Variants in PCSK7 observed in about 807,000 individuals in gnomAD.
PCSK7 encodes the protein lymphoma proprotein convertase.
In PCSK7, 38 loss-of-function variants were observed where a neutral mutation model predicts 73.3. The observed-to-expected ratio is 0.52, with a 90% CI of 0.40 to 0.68. The LOEUF (loss-of-function observed/expected upper bound fraction) is 0.68. Ranked by LOEUF, PCSK7 falls within the 30% of genes least tolerant of loss-of-function variation. The pLI is 0.00. For missense variants in PCSK7, 692 were observed against 991.5 expected, an observed-to-expected ratio of 0.70 and a Z score of 4.06; for synonymous variants, 296 against 383.8, an observed-to-expected ratio of 0.77 and a Z score of 2.68.
chr11:117,229,341 C>G, intron 3 of PCSK7, 36 bp downstream of exon 3: 1 of 1,508,326 alleles, frequency 6.6e-7, no homozygotes, highest in Non-Finnish European at 9.1e-7. Flanking sequence ...CTGGAACCTA[C>G]CCACCTGAAA....
chr11:117,228,951 T>G (rs1033512540), intron 3 of PCSK7, among the ~76,000 whole-genome samples: 5 of 152,168 alleles, frequency 3.3e-5, no homozygotes, highest in Non-Finnish European at 7.3e-5. Context: ...AATGGTAGTA[T>G]CGTATCACTT....
chr11:117,231,489 C>A (rs1055093796), intron 1 of PCSK7, among the ~76,000 whole-genome samples: 14 of 152,170 alleles, frequency 9.2e-5, no homozygotes, highest in Admixed American at 2.6e-4. Flanking sequence ...ACAGTGGCCC[C>A]GCTAGGCAGA....
At position 117,205,631 on chromosome 11, in the gene PCSK7, T is replaced by A. The variant is rs988597451; in HGVS notation, c.*366A>T. 7.9e-6 allele frequency: 2 copies of A among 254,126 alleles called. No individual in the cohort carries two copies. The highest frequency in any genetic ancestry group is 2.2e-5 in the African/African-American group (1 of 46,128). The allele number at this position is 254,126 out of a possible 1,614,324, so 15.7% of individuals were successfully genotyped here. A position where few individuals can be genotyped will look rare whatever the true frequency, so the allele number is the denominator to read the frequency against. On this transcript the variant is annotated 3_prime_UTR_variant, in exon 17 of 17. Transcript: ENST00000320934. ...CAGTGATGTTTCCATTGAGATGCGC[T>A]CCTGGCTATGGCAGGCACCTTCTCA... is the stretch of plus-strand genomic sequence containing the variant.
Position 117,218,742 on chromosome 11 carries a change from C to T in PCSK7, c.1432-174G>A, listed in dbSNP as rs1353353917. ...CTCCTGCTTGCTCGCTGGAATGCTCCGTACAGCCCCCAGCTAAGGAACCAG... is the reference window on the plus strand; with the variant it reads ...CTCCTGCTTGCTCGCTGGAATGCTCTGTACAGCCCCCAGCTAAGGAACCAG... On this transcript the variant is annotated intron_variant, in intron 11 of 16. Transcript: ENST00000320934. This position sits in a 1 kb window ranked among gnomAD's most constrained non-coding sequence, Gnocchi z 4.0. 20 of 571,814 alleles carry T rather than the reference C, an allele frequency of 3.5e-5. No homozygotes were observed. The highest frequency in any genetic ancestry group is 3.2e-4 in the Admixed American group (10 of 31,576). The allele number at this position is 571,814 out of a possible 1,614,324, so 35.4% of individuals were successfully genotyped here. A position where few individuals can be genotyped will look rare whatever the true frequency, so the allele number is the denominator to read the frequency against.
intron 12 of PCSK7, chr11:117,209,446 A>C (rs1468560640): frequency 4.9e-6 from 1 of 202,408 alleles, no homozygotes; most frequent in Non-Finnish European, 9.8e-6. Context: ...TGGGAAATAT[A>C]CATAATTGAT....
At position 117,218,146 on chromosome 11, in the gene PCSK7, G is replaced by A. The variant is rs2032059188; in HGVS notation, c.1534+320C>T. 1 of 186,750 alleles carries A rather than the reference G, an allele frequency of 5.4e-6. No individual in the cohort carries two copies. Among genetic ancestry groups the A allele is most frequent in the Non-Finnish European group, 1.1e-5 (1 of 90,944 alleles). 11.6% of individuals were successfully genotyped at this position (186,750 alleles called of 1,614,324 possible). A position where few individuals can be genotyped will look rare whatever the true frequency, so the allele number is the denominator to read the frequency against. ...AGATCTTAGCATGGAAGTCACAGGAGCTTCTCTGAGCTCTCACCCCGGTCT... is the reference window on the plus strand; with the variant it reads ...AGATCTTAGCATGGAAGTCACAGGAACTTCTCTGAGCTCTCACCCCGGTCT... On this transcript the variant is annotated intron_variant, in intron 12 of 16. Transcript: ENST00000320934. The surrounding 1 kb of genome is among the most constrained non-coding windows in gnomAD (Gnocchi z 4.0).
chr11:117,217,261 A>C (rs1481434145), intron 12 of PCSK7: 1 of 148,772 alleles, frequency 6.7e-6, no homozygotes, highest in Non-Finnish European at 1.5e-5. Flanking sequence ...AGACCATATT[A>C]CTCTTTTAAG....
rs778539275 is a variant in PCSK7, at chr11:117,219,026, A to G, written c.1431+31T>C. The G allele has an allele frequency of 2.0e-6, 3 of 1,504,008 alleles. No homozygotes were observed. In the South Asian group the frequency reaches 3.4e-5, roughly 17 times the overall value. 93.2% of individuals were successfully genotyped at this position (1,504,008 alleles called of 1,614,324 possible). A position where few individuals can be genotyped will look rare whatever the true frequency, so the allele number is the denominator to read the frequency against. On this transcript the variant is annotated intron_variant, in intron 11 of 16. Transcript: ENST00000320934. ...GCTCCGACCCTTGGTCACTCCACAC[A>G]GGGCACCCTGCCCTGCCAACACCTG...
Position 117,225,847 on chromosome 11 carries a change from G to T in PCSK7, c.860+84C>A, listed in dbSNP as rs535815969. ...TGAGGAGACCCCTGCTCCGGCCTAAGTCAGCCCACTGGTTGGGATTTTGTT... is the reference window on the plus strand; with the variant it reads ...TGAGGAGACCCCTGCTCCGGCCTAATTCAGCCCACTGGTTGGGATTTTGTT... On this transcript the variant is annotated intron_variant, in intron 6 of 16. Coordinates refer to ENST00000320934, the MANE Select transcript of PCSK7 (RefSeq NM_004716.4). 2.3e-5 allele frequency: 20 copies of T among 855,510 alleles called. No individual in the cohort carries two copies. In the African/African-American group the frequency reaches 3.0e-4, roughly 13 times the overall value. 53.0% of individuals were successfully genotyped at this position (855,510 alleles called of 1,614,324 possible). A position where few individuals can be genotyped will look rare whatever the true frequency, so the allele number is the denominator to read the frequency against.
chr11:117,226,898 A>G (rs921604265), intron 5 of PCSK7: 1 of 416,022 alleles, frequency 2.4e-6, no homozygotes, highest in Admixed American at 4.7e-5. Flanking sequence ...GTATCGGATC[A>G]TAGAGGAAAA....
chr11:117,213,965 T>TC (rs2031849976), intron 12 of PCSK7: 1 of 131,786 alleles, frequency 7.6e-6, no homozygotes, highest in Non-Finnish European at 1.6e-5. Context: ...TCTTTTTTTT[T>TC]TTTTTTTTTT....
In PCSK7 at chr11:117,218,590, T is replaced by G; in HGVS notation, c.1432-22A>C. On this transcript the variant is annotated intron_variant, in intron 11 of 16. Coordinates refer to ENST00000320934, the MANE Select transcript of PCSK7 (RefSeq NM_004716.4). This position sits in a 1 kb window ranked among gnomAD's most constrained non-coding sequence, Gnocchi z 4.0. ...AGATCTATGAAAGGAAAGGAGGGGA[T>G]GGCAAATCAACAAACAAGAATGATC... 7.5e-7 allele frequency: 1 copy of G among 1,342,210 alleles called. No homozygotes were observed. Among genetic ancestry groups the G allele is most frequent in the Non-Finnish European group, 1.1e-6 (1 of 949,040 alleles). The allele number at this position is 1,342,210 out of a possible 1,614,324, so 83.1% of individuals were successfully genotyped here.
intron 9 of PCSK7, chr11:117,222,514 A>G (rs1169964358): frequency 6.6e-6 from 1 of 152,228 alleles, no homozygotes; most frequent in East Asian, 1.9e-4. Context: ...GCTGAAGGGC[A>G]ATGGAATTAG....
At chr11:117,226,986 C>G in intron 5 of PCSK7, 171 bp downstream of exon 5, 1 of 520,798 alleles carries the variant, frequency 1.9e-6, no homozygotes, top group East Asian at 3.4e-5. Context: ...ACTGAAAAAT[C>G]AATGAGCTGA....
chr11:117,219,241 T>A, intron 10 of PCSK7, 77 bp from the exon 11 acceptor site: 1 of 1,079,882 alleles, frequency 9.3e-7, no homozygotes, highest in South Asian at 1.4e-5. Context: ...TTTCCCTGCT[T>A]GCCCTGCTGG....
At position 117,224,777 on chromosome 11, in the gene PCSK7, G is replaced by C. The variant is rs1259021772; in HGVS notation, c.861-22C>G. 5 of 1,600,644 alleles carry C rather than the reference G, an allele frequency of 3.1e-6. 1 individual carries two copies. Among genetic ancestry groups the C allele is most frequent in the South Asian group, 2.2e-5 (2 of 90,780 alleles). On this transcript the variant is annotated intron_variant, in intron 6 of 16. Transcript: ENST00000320934. ...CCAGCTGTTGAGAAATAAATACCTA[G>C]AGGGGACAGCCAGAGCCAGGCTGCG...
chr11:117,204,384 C>A lies in PCSK7; in HGVS notation c.*1613G>T, dbSNP rs767232174. On this transcript the variant is annotated 3_prime_UTR_variant, in exon 17 of 17. Coordinates refer to ENST00000320934, the MANE Select transcript of PCSK7 (RefSeq NM_004716.4). The stretch of plus-strand genomic sequence containing the variant: ...GAGCGGAGAGGGCTAGCCCTGAGCC[C>A]GGCCCTCCCCCAGCTCCTTGGCTGC... 6.2e-7 allele frequency: 1 copy of A among 1,614,124 alleles called. No homozygotes were observed. The highest frequency in any genetic ancestry group is 1.3e-5 in the African/African-American group (1 of 75,058).
chr11:117,206,442 C>G (rs1163020874), intron 16 of PCSK7, 86 bp from the exon 17 acceptor site: 34 of 1,526,100 alleles, frequency 2.2e-5, no homozygotes, highest in Admixed American at 4.2e-5. Flanking sequence ...CTCAGAAAGT[C>G]TTTTTCCTTC....
At chr11:117,229,239 G>T in intron 3 of PCSK7, 138 bp downstream of exon 3, 1 of 736,522 alleles carries the variant, frequency 1.4e-6, no homozygotes, top group Admixed American at 2.3e-5. Context: ...GGAGAGCCTA[G>T]GGAAACACCA....
Sources: allele counts gnomAD v4.1 joint callset (sites outside exome capture counted in the v4.1 genomes callset), GRCh38; gene constraint gnomAD v4.1.1; non-coding constraint Gnocchi (gnomAD v3.1); transcripts MANE v1.5; gene names NCBI Gene and HGNC (gene_info 2026-07-23, HGNC 2026-07-21).